Variants in SYNRG observed in about 807,000 individuals in gnomAD.
SYNRG encodes the protein AP1 gamma subunit binding protein 1.
A neutral mutation model predicts 130.9 loss-of-function variants in SYNRG; 37 were observed. The ratio of observed to expected loss-of-function variants is 0.28; its 90% CI spans 0.22 to 0.37. The LOEUF (loss-of-function observed/expected upper bound fraction) is 0.37. Ranked by LOEUF, SYNRG falls within the 10% of genes least tolerant of loss-of-function variation. The pLI is 1.00. For missense variants in SYNRG, 1,338 were observed against 1,588.9 expected (o/e 0.84, Z 2.68); for synonymous variants, 539 against 568.1 (o/e 0.95, Z 0.73).
chr17:37,575,704 T>C (rs2060774414), intron 8 of SYNRG, among the ~76,000 whole-genome samples: 1 of 151,858 alleles, frequency 6.6e-6, no homozygotes, highest in Non-Finnish European at 1.5e-5. Context: ...TAGCTGGGTG[T>C]AGTGGCATGC....
At chr17:37,539,736 C>A (rs1326802058) in intron 16 of SYNRG, among the ~76,000 whole-genome samples, 2 of 152,212 alleles carry the variant, frequency 1.3e-5, no homozygotes, top group African/African-American at 4.8e-5. Context: ...CTTCTGAGCA[C>A]AGGACCTGTG....
In SYNRG at chr17:37,568,638, A is replaced by C. The variant is rs138027554; in HGVS notation, c.1481+153T>G. ...GATGGACAAAGGGGAGAGAAGTTTG[A>C]AAAGTAAAAGTATTAATACAGAGGG... is the stretch of plus-strand genomic sequence containing the variant. On this transcript the variant is annotated intron_variant, in intron 11 of 21. Coordinates refer to ENST00000612223, the MANE Select transcript of SYNRG (RefSeq NM_007247.6). 82 of 799,056 alleles carry C rather than the reference A, an allele frequency of 1.0e-4. 1 individual carries two copies. The African/African-American group carries it at 1.2e-3, about 11-fold the overall frequency. The allele number at this position is 799,056 out of a possible 1,614,324, so 49.5% of individuals were successfully genotyped here.
chr17:37,529,720 C>T, intron 19 of SYNRG: 1 of 1,477,920 alleles, frequency 6.8e-7, no homozygotes, highest in Non-Finnish European at 9.2e-7. Flanking sequence ...ACCCAGGAAT[C>T]TCCCCACTTA....
intron 8 of SYNRG, among the ~76,000 whole-genome samples, chr17:37,572,679 AG>A (rs1161772674): frequency 1.3e-5 from 2 of 152,208 alleles, no homozygotes; most frequent in African/African-American, 4.8e-5. Context: ...ACTCTTCTCC[AG>A]TAAATTAGAG....
chr17:37,561,115 T>C, intron 13 of SYNRG, 80 bp downstream of exon 13: 2 of 1,177,986 alleles, frequency 1.7e-6, no homozygotes, highest in Non-Finnish European at 2.5e-6. Flanking sequence ...ATAAAGGGAA[T>C]GCCACTGAAA....
At chr17:37,602,400 C>T (rs914921911) in intron 1 of SYNRG, among the ~76,000 whole-genome samples, 4 of 150,708 alleles carry the variant, frequency 2.7e-5, no homozygotes, top group African/African-American at 7.3e-5. Flanking sequence ...TATCCAGTAA[C>T]AAAACAACTA....
chr17:37,554,182 A>G (rs1598305417), intron 13 of SYNRG, 123 bp from the exon 14 acceptor site: 1 of 820,048 alleles, frequency 1.2e-6, no homozygotes, highest in East Asian at 2.8e-5. Context: ...ATTACTTAAT[A>G]ATGTTTACAT....
intron 1 of SYNRG, 114 bp from the exon 2 acceptor site, chr17:37,600,517 GCAC>G (rs1054419668): frequency 8.0e-6 from 8 of 1,001,236 alleles, no homozygotes; most frequent in Admixed American, 7.9e-5. Context: ...TGTTTGTTCT[GCAC>G]CACAATACTG....
At chr17:37,565,303 G>A (rs1215938507) in intron 11 of SYNRG, among the ~76,000 whole-genome samples, 1 of 152,104 alleles carries the variant, frequency 6.6e-6, no homozygotes, top group East Asian at 1.9e-4. Context: ...AAGTATGGAA[G>A]TAGTCAAGTC....
chr17:37,558,234 T>G (rs1040759943), intron 13 of SYNRG, among the ~76,000 whole-genome samples: 21 of 152,294 alleles, frequency 1.4e-4, no homozygotes, highest in African/African-American at 5.1e-4. Flanking sequence ...GAGGTGGGCT[T>G]TCCTTCTTTA....
In SYNRG at chr17:37,543,366, C is replaced by T. The variant is rs117811079; in HGVS notation, c.2609-801G>A. On this transcript the variant is annotated intron_variant, in intron 14 of 21. Transcript: ENST00000612223. ...AAAAAGAAAGAACTGCTGGGGCAGA[C>T]GACTGATTTTACAAAGCATTCTTAA... Among the ~76,000 whole-genome samples, 120 of 152,114 alleles carry T rather than the reference C, an allele frequency of 7.9e-4. 2 individuals are homozygous for T. In the East Asian group the frequency reaches 0.021, roughly 27 times the overall value.
intron 17 of SYNRG, 61 bp from the exon 18 acceptor site, chr17:37,538,481 A>G (rs2057413411): frequency 8.0e-7 from 1 of 1,251,078 alleles, no homozygotes; most frequent in Non-Finnish European, 1.1e-6. Context: ...AAATCAATTT[A>G]CTATTAGTAG....
intron 14 of SYNRG, among the ~76,000 whole-genome samples, chr17:37,543,322 T>A (rs560774261): frequency 4.4e-4 from 66 of 150,998 alleles, no homozygotes; most frequent in Middle Eastern, 3.4e-3. Flanking sequence ...CCCCATTTTT[T>A]AAAAAAAAAG....
At chr17:37,581,777 T>A (rs548242452) in intron 6 of SYNRG, among the ~76,000 whole-genome samples, 80 of 150,124 alleles carry the variant, frequency 5.3e-4, no homozygotes, top group African/African-American at 1.9e-3. Context: ...TTTTTTTTTT[T>A]TTTTTGAGAC....
At position 37,553,573 on chromosome 17, in the gene SYNRG, T is replaced by A; in HGVS notation, c.2150A>T (p.Glu717Val). The change falls in exon 14 of 22, where the codon GAG becomes GTG. Residue 717 changes from glutamate to valine, a missense_variant. By Grantham distance (121) the Glu-to-Val change is moderately radical. This residue lies in a region of SYNRG where 1,146 missense variants were observed against 1,342.3 expected (regional missense o/e 0.85). Transcript: ENST00000612223. ...KPDDKYDALK[E>V]EASPVPLTSN... is the part of the protein sequence containing the mutation. ...GGTTAGAGGAACAGGACTGGCTTCC[T>A]CTTTAAGGGCATCATATTTGTCATC... The A allele has an allele frequency of 6.2e-7, 1 of 1,614,180 alleles. No individual in the cohort carries two copies. The highest frequency in any genetic ancestry group is 1.1e-5 in the South Asian group (1 of 91,082).
chr17:37,519,159 C>T (rs1200490540), intron 21 of SYNRG, 88 bp from the exon 22 acceptor site: 1 of 1,545,060 alleles, frequency 6.5e-7, no homozygotes, highest in East Asian at 2.3e-5. Context: ...ATCTATCTCT[C>T]CAGGTCACAG....
At chr17:37,558,249 T>C (rs533656608) in intron 13 of SYNRG, among the ~76,000 whole-genome samples, 1 of 152,312 alleles carries the variant, frequency 6.6e-6, no homozygotes, top group South Asian at 2.1e-4. Flanking sequence ...TCTTTAAAGA[T>C]GATTAAGCAA....
intron 3 of SYNRG, among the ~76,000 whole-genome samples, chr17:37,593,878 CA>C (rs36060397): frequency 0.27 from 24,211 of 89,376 alleles, 2,270 homozygotes; most frequent in East Asian, 0.56. Flanking sequence ...AACTCCCTCT[CA>C]AAAAAAAAAA....
intron 3 of SYNRG, among the ~76,000 whole-genome samples, chr17:37,588,312 G>A (rs547022433): frequency 4.0e-4 from 60 of 149,014 alleles, no homozygotes; most frequent in African/African-American, 1.4e-3. Flanking sequence ...ACCAAAGTTG[G>A]GATGCAGTAG....
Sources: allele counts gnomAD v4.1 joint callset (sites outside exome capture counted in the v4.1 genomes callset), GRCh38; gene constraint gnomAD v4.1.1; regional missense constraint gnomAD v4.1.1; transcripts MANE v1.5; gene names NCBI Gene and HGNC (gene_info 2026-07-23, HGNC 2026-07-21).